Variants in BLMH observed in about 807,000 individuals in gnomAD.
The protein encoded by BLMH is BLM hydrolase.
A neutral mutation model predicts 61.6 loss-of-function variants in BLMH; 32 were observed. The ratio of observed to expected loss-of-function variants is 0.52; its 90% CI spans 0.39 to 0.70. The LOEUF (loss-of-function observed/expected upper bound fraction) is 0.70. Among genes scored for constraint, BLMH ranks in the 30% least tolerant of loss-of-function variants. The pLI is 0.00. For synonymous variants in BLMH, 183 were observed against 193.8 expected, an observed-to-expected ratio of 0.94 and a Z score of 0.46; for missense variants, 460 against 555.5, an observed-to-expected ratio of 0.83 and a Z score of 1.73.
intron 11 of BLMH, among the ~76,000 whole-genome samples, chr17:30,251,087 G>A (rs1431300340): frequency 2.6e-5 from 4 of 152,118 alleles, no homozygotes; most frequent in African/African-American, 9.7e-5. Flanking sequence ...CACTCAGGAT[G>A]GAAGAGTGGG....
intron 11 of BLMH, among the ~76,000 whole-genome samples, chr17:30,258,260 C>T (rs188590008): frequency 1.0e-3 from 156 of 151,388 alleles, no homozygotes; most frequent in Non-Finnish European, 1.5e-3. Flanking sequence ...CAAAACCACC[C>T]CTTATAATTA....
chr17:30,264,513 CA>C (rs925830246), intron 11 of BLMH, among the ~76,000 whole-genome samples: 2 of 152,072 alleles, frequency 1.3e-5, no homozygotes, highest in African/African-American at 4.8e-5. Context: ...TATTTAGGTT[CA>C]AAATAATAAA....
At chr17:30,269,150 C>A (rs1455570139) in intron 10 of BLMH, among the ~76,000 whole-genome samples, 1 of 149,358 alleles carries the variant, frequency 6.7e-6, no homozygotes, top group Non-Finnish European at 1.5e-5. Context: ...TTTGAAAAAC[C>A]TTTTCATGTA....
At chr17:30,266,801 C>T (rs1018488799) in intron 11 of BLMH, 84 bp downstream of exon 11, 26 of 1,255,832 alleles carry the variant, frequency 2.1e-5, no homozygotes, top group Non-Finnish European at 2.9e-5. Flanking sequence ...GAGAAATCCT[C>T]CACACTAGAG....
chr17:30,264,253 G>A (rs932457729), intron 11 of BLMH, among the ~76,000 whole-genome samples: 62 of 152,080 alleles, frequency 4.1e-4, no homozygotes, highest in African/African-American at 1.4e-3. Flanking sequence ...GCTTTGCTGT[G>A]TATAGTCACA....
In BLMH at chr17:30,271,355, C is replaced by T; in HGVS notation, c.1062G>A (p.Leu354=). The T allele has an allele frequency of 3.1e-6, 5 of 1,614,032 alleles. No individual in the cohort carries two copies. Among genetic ancestry groups the T allele is most frequent in the East Asian group, 2.2e-5 (1 of 44,880 alleles). ...GCCTCTCCGCTTTATTCATGTTCTT[C>T]AAGGAGACACCAAACACTAACTCAT... ...YDHELVFGVS[L]KNMNKAERLT... is the part of the protein sequence containing the mutation. The change falls in exon 10 of 12, where the codon TTG becomes TTA. Residue 354 remains leucine, a synonymous_variant. Coordinates refer to ENST00000261714, the MANE Select transcript of BLMH (RefSeq NM_000386.4).
intron 2 of BLMH, among the ~76,000 whole-genome samples, chr17:30,289,951 G>A (rs112717076): frequency 0.053 from 8,025 of 152,092 alleles, 268 homozygotes; most frequent in Middle Eastern, 0.078. Context: ...ACATAACAAT[G>A]TATAAGGTAT....
chr17:30,263,027 A>G (rs1288255548), intron 11 of BLMH, among the ~76,000 whole-genome samples: 1 of 152,150 alleles, frequency 6.6e-6, no homozygotes, highest in Non-Finnish European at 1.5e-5. Context: ...AGACATTTAC[A>G]TAACATCTCC....
At chr17:30,285,567 A>C in intron 5 of BLMH, 87 bp from the exon 6 acceptor site, 2 of 1,075,428 alleles carry the variant, frequency 1.9e-6, no homozygotes, top group South Asian at 3.2e-5. Context: ...TTCTATTTTG[A>C]GGTATAACTC....
chr17:30,272,224 G>A (rs1384961347), intron 9 of BLMH: 1 of 278,960 alleles, frequency 3.6e-6, no homozygotes, highest in Non-Finnish European at 6.7e-6. Context: ...GGGGGCTCTG[G>A]AAAATCTTTC....
At chr17:30,270,041 A>G (rs1204912104) in intron 10 of BLMH, among the ~76,000 whole-genome samples, 2 of 152,366 alleles carry the variant, frequency 1.3e-5, no homozygotes, top group East Asian at 3.9e-4. Context: ...AGGTACAGAA[A>G]GAAAACCCCA....
intron 11 of BLMH, among the ~76,000 whole-genome samples, chr17:30,260,190 A>T (rs1597658183): frequency 6.6e-6 from 1 of 152,170 alleles, no homozygotes; most frequent in Non-Finnish European, 1.5e-5. Flanking sequence ...CCACTGTTAC[A>T]CAGCCAATAG....
At chr17:30,283,736 G>A (rs1233300277) in intron 6 of BLMH, among the ~76,000 whole-genome samples, 1 of 151,980 alleles carries the variant, frequency 6.6e-6, no homozygotes, top group Admixed American at 6.6e-5. Context: ...TGGTCAGGAT[G>A]GTCTTGATCT....
chr17:30,274,116 G>C lies in BLMH; in HGVS notation c.727C>G (p.Gln243Glu), dbSNP rs1202503460. ...AAGGGTGTTATGGGGCCAATTTTCT[G>C]ATAATTTTTATCTTTGTCTCGATAT... ...WEYRDKDKNY[Q>E]KIGPITPLEF... The change falls in exon 7 of 12, where the codon CAG (glutamine) becomes GAG (glutamate). Residue 243 changes from glutamine to glutamate, a missense_variant. Transcript: ENST00000261714. 1.2e-6 allele frequency: 2 copies of C among 1,613,930 alleles called. No individual in the cohort carries two copies. The highest frequency in any genetic ancestry group is 1.3e-5 in the African/African-American group (1 of 74,892).
chr17:30,282,219 G>A (rs1426165552), intron 6 of BLMH, among the ~76,000 whole-genome samples: 1 of 122,220 alleles, frequency 8.2e-6, no homozygotes, highest in African/African-American at 3.4e-5. Flanking sequence ...AACAGACAAG[G>A]TTTTTTTTTT....
At chr17:30,270,694 G>T (rs1908244956) in intron 10 of BLMH, among the ~76,000 whole-genome samples, 1 of 152,116 alleles carries the variant, frequency 6.6e-6, no homozygotes, top group Admixed American at 6.6e-5. Context: ...GAAGTGAGGA[G>T]TTTATTTGTG....
chr17:30,250,071 AC>A (rs1326381796), intron 11 of BLMH: 2 of 152,310 alleles, frequency 1.3e-5, no homozygotes, highest in East Asian at 3.9e-4. Flanking sequence ...CTCACCTTAC[AC>A]AAAAATCAAC....
intron 6 of BLMH, among the ~76,000 whole-genome samples, chr17:30,278,783 C>T (rs534650013): frequency 6.6e-6 from 1 of 152,318 alleles, no homozygotes; most frequent in African/African-American, 2.4e-5. Flanking sequence ...ATTTCTCATG[C>T]CTCAGCCTCC....
At chr17:30,253,094 C>T (rs1907717476) in intron 11 of BLMH, among the ~76,000 whole-genome samples, 1 of 152,288 alleles carries the variant, frequency 6.6e-6, no homozygotes, top group African/African-American at 2.4e-5. Flanking sequence ...AGACATTAGT[C>T]GTCCCTTCCC....
Sources: allele counts gnomAD v4.1 joint callset (sites outside exome capture counted in the v4.1 genomes callset), GRCh38; gene constraint gnomAD v4.1.1; transcripts MANE v1.5; gene names NCBI Gene and HGNC (gene_info 2026-07-23, HGNC 2026-07-21).